Variants in OSTF1 observed in about 807,000 individuals in gnomAD.
The protein encoded by OSTF1 is osteoclast stimulating factor 1.
Under a neutral mutation model 37.2 loss-of-function variants are expected in OSTF1, and 27 were observed. The ratio of observed to expected loss-of-function variants is 0.73; its 90% CI spans 0.54 to 1.00. OSTF1 has a LOEUF of 1.00. OSTF1 is among the 50% of genes least tolerant of loss of function. The probability of loss-of-function intolerance (pLI) is 0.00; values close to 1 mark genes in which losing one functional copy is unlikely to be tolerated. For missense variants in OSTF1, 232 were observed against 253.8 expected (o/e 0.91, Z 0.58); for synonymous variants, 82 against 89.2 (o/e 0.92, Z 0.46).
intron 1 of OSTF1, 81 bp from the exon 2 acceptor site, chr9:75,117,423 C>T (rs893321103): frequency 1.1e-6 from 1 of 929,880 alleles, no homozygotes; most frequent in Non-Finnish European, 1.7e-6. Flanking sequence ...TTAGGGAATT[C>T]TGAAGGATAT....
At chr9:75,099,051 C>T (rs536423481) in intron 1 of OSTF1, among the ~76,000 whole-genome samples, 86 of 152,258 alleles carry the variant, frequency 5.6e-4, no homozygotes, top group African/African-American at 2.0e-3. Flanking sequence ...ATTCTCCTGC[C>T]TCAGCCTCCC....
At chr9:75,129,746 T>G (rs957285302) in intron 3 of OSTF1, among the ~76,000 whole-genome samples, 1 of 152,020 alleles carries the variant, frequency 6.6e-6, no homozygotes, top group African/African-American at 2.4e-5. Flanking sequence ...TTGTAAGAGA[T>G]AAAAAAGAAT....
At chr9:75,138,428 C>T (rs1825876699) in intron 8 of OSTF1, among the ~76,000 whole-genome samples, 1 of 152,084 alleles carries the variant, frequency 6.6e-6, no homozygotes, top group African/African-American at 2.4e-5. Flanking sequence ...GACTTTGATG[C>T]CTAATATGGC....
At chr9:75,122,549 A>G (rs1825596777) in intron 2 of OSTF1, among the ~76,000 whole-genome samples, 1 of 152,194 alleles carries the variant, frequency 6.6e-6, no homozygotes, top group African/African-American at 2.4e-5. Flanking sequence ...CCAGCTGTTA[A>G]TCTGGTCATG....
chr9:75,092,503 A>G (rs935138169), intron 1 of OSTF1, among the ~76,000 whole-genome samples: 2 of 152,212 alleles, frequency 1.3e-5, no homozygotes, highest in Non-Finnish European at 2.9e-5. Flanking sequence ...AGAGTATCCC[A>G]TATTTACAAG....
chr9:75,122,688 C>T (rs1825598921), intron 2 of OSTF1, among the ~76,000 whole-genome samples: 1 of 152,124 alleles, frequency 6.6e-6, no homozygotes, highest in Non-Finnish European at 1.5e-5. Flanking sequence ...TGTACCTGCT[C>T]TATGGCCTTG....
intron 8 of OSTF1, among the ~76,000 whole-genome samples, chr9:75,139,569 C>T (rs1166635724): frequency 6.6e-6 from 1 of 152,150 alleles, no homozygotes; most frequent in Non-Finnish European, 1.5e-5. Flanking sequence ...GCTGGGATTA[C>T]AGGCATGCGC....
intron 1 of OSTF1, among the ~76,000 whole-genome samples, chr9:75,098,146 A>G (rs1426425783): frequency 6.6e-6 from 1 of 152,018 alleles, no homozygotes; most frequent in Non-Finnish European, 1.5e-5. Context: ...AATTTCTCAC[A>G]TTTCTGACTA....
At position 75,103,954 on chromosome 9, in the gene OSTF1, C is replaced by T. The variant is rs560830570; in HGVS notation, c.35-13550C>T. 1.2e-4 allele frequency among the ~76,000 whole-genome samples: 19 copies of T among 152,208 alleles called. 1 individual carries two copies. The South Asian group carries it at 3.7e-3, about 30-fold the overall frequency. Reference sequence around the variant, plus strand: ...CTTAAAACAAGCATTATGGGCTGGGCGTTATGGCTCATGCCTGTAATCCCA... The same window carrying T: ...CTTAAAACAAGCATTATGGGCTGGGTGTTATGGCTCATGCCTGTAATCCCA... On this transcript the variant is annotated intron_variant, in intron 1 of 9. Transcript: ENST00000346234.
chr9:75,146,517 A>AG (rs1826027246), intron 9 of OSTF1, among the ~76,000 whole-genome samples, 166 bp from the exon 10 acceptor site: 3 of 152,240 alleles, frequency 2.0e-5, no homozygotes, highest in African/African-American at 4.8e-5. Flanking sequence ...CAGAAACTTA[A>AG]TGGTTAGGCT....
chr9:75,124,633 AT>A, intron 2 of OSTF1, among the ~76,000 whole-genome samples: 1 of 152,238 alleles, frequency 6.6e-6, no homozygotes, highest in Non-Finnish European at 1.5e-5. Context: ...GTTCTAAAAC[AT>A]TTTCATCATC....
chr9:75,122,009 C>A (rs1825588403), intron 2 of OSTF1, among the ~76,000 whole-genome samples: 1 of 152,216 alleles, frequency 6.6e-6, no homozygotes, highest in Admixed American at 6.5e-5. Flanking sequence ...TCCTGCCAAC[C>A]CATTTCTCAT....
intron 1 of OSTF1, among the ~76,000 whole-genome samples, chr9:75,114,770 G>A (rs535079652): frequency 1.3e-5 from 2 of 151,928 alleles, no homozygotes; most frequent in African/African-American, 4.8e-5. Context: ...GCCAGGCTGG[G>A]CTCGAACTCC....
intron 1 of OSTF1, among the ~76,000 whole-genome samples, chr9:75,095,143 T>A (rs1184669721): frequency 2.6e-5 from 4 of 152,192 alleles, no homozygotes; most frequent in African/African-American, 9.7e-5. Flanking sequence ...CTAATTAACG[T>A]ACTTCTGGAT....
intron 5 of OSTF1, among the ~76,000 whole-genome samples, chr9:75,133,002 CA>C (rs1564167189): frequency 0.015 from 481 of 32,420 alleles, 2 homozygotes; most frequent in African/African-American, 0.034. Context: ...CACACACACA[CA>C]CACACACACC....
intron 1 of OSTF1, among the ~76,000 whole-genome samples, chr9:75,106,253 G>T (rs1825281654): frequency 6.6e-6 from 1 of 152,196 alleles, no homozygotes; most frequent in Non-Finnish European, 1.5e-5. Context: ...TAGGCAGGAA[G>T]AAACTTACTC....
At chr9:75,098,776 T>G (rs1478431403) in intron 1 of OSTF1, among the ~76,000 whole-genome samples, 1 of 152,188 alleles carries the variant, frequency 6.6e-6, no homozygotes, top group Non-Finnish European at 1.5e-5. Context: ...AATTAAGACC[T>G]TGCTTTACAG....
At chr9:75,145,168 T>TATC (rs547357089) in intron 9 of OSTF1, among the ~76,000 whole-genome samples, 2,890 of 68,544 alleles carry the variant, frequency 0.042, 87 homozygotes, top group African/African-American at 0.19. Flanking sequence ...TCTACCTATC[T>TATC]ATCTATCTAA....
chr9:75,128,094 A>C (rs890412341), intron 3 of OSTF1, among the ~76,000 whole-genome samples: 4 of 151,802 alleles, frequency 2.6e-5, no homozygotes, highest in Non-Finnish European at 5.9e-5. Context: ...GTGGAAGGAG[A>C]GAAATAGGGT....
Sources: allele counts gnomAD v4.1 joint callset (sites outside exome capture counted in the v4.1 genomes callset), GRCh38; gene constraint gnomAD v4.1.1; transcripts MANE v1.5; gene names NCBI Gene and HGNC (gene_info 2026-07-23, HGNC 2026-07-21).